Variants in IQSEC1 observed in about 807,000 individuals in gnomAD.
IQSEC1 encodes the protein IQ motif and Sec7 domain ArfGEF 1.
IQSEC1 carries 31 observed loss-of-function variants against 91.0 expected under a neutral mutation model. That is an observed-to-expected ratio of 0.34 (90% confidence interval 0.26 to 0.46). The LOEUF (loss-of-function observed/expected upper bound fraction) is 0.46, where lower values mean the gene tolerates loss of function less well. IQSEC1 is among the 20% of genes least tolerant of loss of function. The probability of loss-of-function intolerance (pLI) is 1.00; values close to 1 mark genes in which losing one functional copy is unlikely to be tolerated. For missense variants in IQSEC1, 1,388 were observed against 1,575.6 expected (o/e 0.88, Z 2.02); for synonymous variants, 699 against 662.6 (o/e 1.05, Z -0.84).
intron 1 of IQSEC1, among the ~76,000 whole-genome samples, chr3:13,011,373 C>T (rs1181016180): frequency 6.6e-6 from 1 of 152,222 alleles, no homozygotes; most frequent in Non-Finnish European, 1.5e-5. Flanking sequence ...CTGACACTCA[C>T]TGAGCCATTG....
At chr3:12,902,695 C>CACG in intron 13 of IQSEC1, 78 bp downstream of exon 13, 1 of 249,240 alleles carries the variant, frequency 4.0e-6, no homozygotes, top group Non-Finnish European at 6.9e-6. Context: ...AAAAAAAAAA[C>CACG]CAGGACAACA....
intron 1 of IQSEC1, among the ~76,000 whole-genome samples, chr3:12,990,926 G>A (rs1266045917): frequency 1.3e-5 from 2 of 152,182 alleles, no homozygotes; most frequent in Admixed American, 6.5e-5. Flanking sequence ...AAAAATGCTC[G>A]CTGGGTTTGC....
In IQSEC1 at chr3:13,022,917, C is replaced by T. The variant is rs529392619; in HGVS notation, c.23+50075G>A. On this transcript the variant is annotated intron_variant, in intron 1 of 13. Transcript: ENST00000613206. ...GATGCTGGGCGTGGTCAGCCCCCTCCGGCCTTAGTTTCACCTCAGGCTACT... is the reference window on the plus strand; with the variant it reads ...GATGCTGGGCGTGGTCAGCCCCCTCTGGCCTTAGTTTCACCTCAGGCTACT... Among the ~76,000 whole-genome samples, 49 of 152,344 alleles carry T rather than the reference C, an allele frequency of 3.2e-4. 1 individual carries two copies. Among genetic ancestry groups the T allele is most frequent in the Admixed American group, 5.9e-4 (9 of 15,304 alleles).
At chr3:13,162,274 G>C (rs570074598) in intron 2 of IQSEC1, among the ~76,000 whole-genome samples, 5 of 152,282 alleles carry the variant, frequency 3.3e-5, no homozygotes, top group Admixed American at 1.3e-4. Context: ...GGGCACCTTG[G>C]GGGGATTGGG....
chr3:13,103,022 T>C lies in IQSEC1; in HGVS notation c.303-55500A>G, dbSNP rs1706090498. On this transcript the variant is annotated intron_variant, in intron 2 of 15. Coordinates refer to the IQSEC1 transcript ENST00000648114. This position sits in a 1 kb window ranked among gnomAD's most constrained non-coding sequence, Gnocchi z 4.1. ...TCAGATCAGGTGCTTGGTGCCCCCC[T>C]ACCTCAACCTGTGGGCTGGATGTCG... Among the ~76,000 whole-genome samples the C allele has an allele frequency of 6.6e-6, 1 of 152,112 alleles. No individual in the cohort carries two copies.
chr3:13,008,086 C>T lies in IQSEC1; in HGVS notation c.23+64906G>A, dbSNP rs1386689436. ...AGGAACCCCAGGGAGGGGCCAGGTG[C>T]CTGGCCTTCTGAGTGTCTGTACCTG... On this transcript the variant is annotated intron_variant, in intron 1 of 13. Transcript: ENST00000613206. The surrounding 1 kb of genome is among the most constrained non-coding windows in gnomAD (Gnocchi z 4.1). Among the ~76,000 whole-genome samples the T allele has an allele frequency of 6.6e-6, 1 of 152,206 alleles. No homozygotes were observed. The highest frequency in any genetic ancestry group is 1.5e-5 in the Non-Finnish European group (1 of 68,034).
At chr3:13,035,164 G>A (rs976539348) in intron 1 of IQSEC1, among the ~76,000 whole-genome samples, 2 of 152,204 alleles carry the variant, frequency 1.3e-5, no homozygotes, top group Admixed American at 6.5e-5. Flanking sequence ...CTGTGAGCCT[G>A]CCCTTGGGGG....
At chr3:13,235,686 T>C (rs909915998) in intron 1 of IQSEC1, among the ~76,000 whole-genome samples, 3 of 152,154 alleles carry the variant, frequency 2.0e-5, no homozygotes, top group Non-Finnish European at 4.4e-5. Flanking sequence ...ACAAGATCCT[T>C]GTGGCAGCAA....
At chr3:12,950,148 T>C (rs1473866164) in intron 1 of IQSEC1, among the ~76,000 whole-genome samples, 1 of 152,118 alleles carries the variant, frequency 6.6e-6, no homozygotes, top group Non-Finnish European at 1.5e-5. Flanking sequence ...CTCTTCCCAT[T>C]CTCCATATGA....
chr3:12,948,035 G>C (rs1165867287), intron 1 of IQSEC1, among the ~76,000 whole-genome samples: 1 of 152,244 alleles, frequency 6.6e-6, no homozygotes, highest in African/African-American at 2.4e-5. Flanking sequence ...GGGCCAAGCA[G>C]GCTCCTGGGT....
At chr3:12,975,694 C>T (rs1198030670) in intron 1 of IQSEC1, among the ~76,000 whole-genome samples, 1 of 152,198 alleles carries the variant, frequency 6.6e-6, no homozygotes, top group Non-Finnish European at 1.5e-5. Flanking sequence ...CTCATTTAAG[C>T]TTCACAATGG....
At position 13,266,855 on chromosome 3, in the gene IQSEC1, C is replaced by A. The variant is rs372100341; in HGVS notation, c.272+15856G>T. Among the ~76,000 whole-genome samples, 12 of 152,280 alleles carry A rather than the reference C, an allele frequency of 7.9e-5. No individual in the cohort carries two copies. The East Asian group carries it at 1.9e-3, about 25-fold the overall frequency. On this transcript the variant is annotated intron_variant, in intron 1 of 15. Transcript: ENST00000648114. ...CAAGCTCTTATCTCAGCCCCCAAAA[C>A]GGGGTGCTCCAGGGGCACATCTGCT...
At chr3:13,118,374 G>C (rs1263472496) in intron 2 of IQSEC1, among the ~76,000 whole-genome samples, 1 of 152,208 alleles carries the variant, frequency 6.6e-6, no homozygotes, top group East Asian at 1.9e-4. Flanking sequence ...GTTCATAACA[G>C]CATTATTTAC....
At chr3:12,952,064 C>A (rs1699586749) in intron 1 of IQSEC1, among the ~76,000 whole-genome samples, 1 of 152,176 alleles carries the variant, frequency 6.6e-6, no homozygotes, top group Non-Finnish European at 1.5e-5. Context: ...AGCACCATAT[C>A]TAAAACGGGA....
intron 2 of IQSEC1, among the ~76,000 whole-genome samples, chr3:13,086,211 C>A (rs1353886621): frequency 2.6e-5 from 4 of 152,196 alleles, no homozygotes; most frequent in African/African-American, 7.2e-5. Context: ...AGTCTTAGTT[C>A]CTATATGGAA....
intron 1 of IQSEC1, among the ~76,000 whole-genome samples, chr3:13,219,376 C>T (rs1694613170): frequency 6.6e-6 from 1 of 152,210 alleles, no homozygotes; most frequent in African/African-American, 2.4e-5. Context: ...GGAGTTTCTC[C>T]TGGCAGTGTA....
intron 1 of IQSEC1, among the ~76,000 whole-genome samples, chr3:13,027,270 C>A (rs1227441713): frequency 7.9e-5 from 12 of 152,218 alleles, no homozygotes. Flanking sequence ...GTTCCACCAT[C>A]TTGTCTCGGG....
chr3:13,198,271 T>C (rs1694171630), intron 1 of IQSEC1, among the ~76,000 whole-genome samples: 1 of 152,132 alleles, frequency 6.6e-6, no homozygotes, highest in Non-Finnish European at 1.5e-5. Context: ...ATTTGTGGGC[T>C]TTTTTCTCCC....
At chr3:13,100,680 C>T (rs1179610110) in intron 2 of IQSEC1, among the ~76,000 whole-genome samples, 3 of 148,882 alleles carry the variant, frequency 2.0e-5, no homozygotes, top group Admixed American at 6.6e-5. Context: ...TTCTGGGCCA[C>T]GTCAGGTGGC....
Sources: allele counts gnomAD v4.1 joint callset (sites outside exome capture counted in the v4.1 genomes callset), GRCh38; gene constraint gnomAD v4.1.1; non-coding constraint Gnocchi (gnomAD v3.1); transcripts MANE v1.5; gene names NCBI Gene and HGNC (gene_info 2026-07-23, HGNC 2026-07-21).